The following LVRN variants were observed in gnomAD, a reference collection of about 807,000 sequenced individuals.
LVRN encodes the protein aminopeptidase Q.
LVRN carries 99 observed loss-of-function variants against 111.4 expected under a neutral mutation model. That is an observed-to-expected ratio of 0.89 (90% CI 0.76 to 1.05). LVRN has a LOEUF of 1.05. Among genes scored for constraint, LVRN ranks in the 50% least tolerant of loss-of-function variants. The probability of loss-of-function intolerance (pLI) is 0.00; values close to 1 mark genes in which losing one functional copy is unlikely to be tolerated. For synonymous variants in LVRN, 488 were observed against 449.5 expected (o/e 1.09, Z -1.08); for missense variants, 1,414 against 1,206.8 (o/e 1.17, Z -2.54).
intron 18 of LVRN, chr5:116,021,706 C>G (rs1748734228): frequency 2.2e-6 from 1 of 450,972 alleles, no homozygotes; most frequent in Non-Finnish European, 4.4e-6. Flanking sequence ...TTTAATGCAC[C>G]CAAAGTCTTT....
intron 12 of LVRN, among the ~76,000 whole-genome samples, chr5:116,005,609 C>G (rs1447728771): frequency 6.6e-6 from 1 of 152,116 alleles, no homozygotes; most frequent in African/African-American, 2.4e-5. Context: ...TTGGGGAGGC[C>G]TTTTAAATTT....
chr5:116,018,957 T>C (rs1748658436), intron 18 of LVRN, among the ~76,000 whole-genome samples: 1 of 151,994 alleles, frequency 6.6e-6, no homozygotes, highest in Non-Finnish European at 1.5e-5. Context: ...TCTATCAACA[T>C]CCTGCATCAG....
intron 6 of LVRN, among the ~76,000 whole-genome samples, 188 bp downstream of exon 6, chr5:115,994,042 G>A (rs1748053555): frequency 6.6e-6 from 1 of 151,376 alleles, no homozygotes; most frequent in Admixed American, 6.6e-5. Flanking sequence ...TATTGTAAAT[G>A]TTTTTGAAGG....
At chr5:115,986,155 G>A (rs1747860395) in intron 3 of LVRN, among the ~76,000 whole-genome samples, 1 of 152,198 alleles carries the variant, frequency 6.6e-6, no homozygotes, top group South Asian at 2.1e-4. Flanking sequence ...TATCTTCCTA[G>A]GCTGTTGGCT....
In LVRN at chr5:115,987,838, C is replaced by A. The variant is rs781501308; in HGVS notation, c.1004C>A (p.Ala335Glu). Residue 335 changes from alanine to glutamate, a missense_variant, in exon 4 of 20, where the codon GCA becomes GAA. By Grantham distance (107) the Ala-to-Glu change is moderately radical. Coordinates refer to ENST00000357872, the MANE Select transcript of LVRN (RefSeq NM_173800.5). Reference sequence around the variant, plus strand: ...ATACGCATCTGGGCCCGGAAAGATGCAATTGCAAATGGAAGTGCAGACTTT... The same window carrying A: ...ATACGCATCTGGGCCCGGAAAGATGAAATTGCAAATGGAAGTGCAGACTTT... The part of the protein sequence containing the change: ...KEIRIWARKD[A>E]IANGSADFAL... 2.5e-6 allele frequency: 4 copies of A among 1,612,752 alleles called. No individual in the cohort carries two copies. The highest frequency in any genetic ancestry group is 4.5e-5 in the East Asian group (2 of 44,746).
chr5:116,008,769 G>A (rs1312591613), intron 13 of LVRN, among the ~76,000 whole-genome samples: 1 of 152,194 alleles, frequency 6.6e-6, no homozygotes, highest in Non-Finnish European at 1.5e-5. Flanking sequence ...TGAGGAAGGT[G>A]CAGGAAAAGG....
At chr5:115,980,621 A>G (rs1215003706) in intron 1 of LVRN, among the ~76,000 whole-genome samples, 1 of 152,028 alleles carries the variant, frequency 6.6e-6, no homozygotes, top group Non-Finnish European at 1.5e-5. Context: ...TAAGGAGTAT[A>G]ATTTTCTCTC....
At position 116,003,286 on chromosome 5, in the gene LVRN, T is replaced by G; in HGVS notation, c.1943T>G (p.Val648Gly). The change falls in exon 12 of 20, where the codon GTG becomes GGG. Residue 648 changes from valine to glycine, a missense_variant. Physicochemically the swap from Val to Gly is moderately radical, Grantham distance 109 (BLOSUM62 -3). Transcript: ENST00000357872. ...MQVSDSDHDW[V>G]ILNLNMTGYY... ...GTTTCAGATTCTGACCATGACTGGGTGATTTTGAATTTGAATATGACTGGA... is the reference window on the plus strand; with the variant it reads ...GTTTCAGATTCTGACCATGACTGGGGGATTTTGAATTTGAATATGACTGGA... The G allele has an allele frequency of 6.3e-7, 1 of 1,581,270 alleles. No homozygotes were observed. The highest frequency in any genetic ancestry group is 8.6e-7 in the Non-Finnish European group (1 of 1,161,518).
At chr5:115,965,628 A>T (rs1388676781) in intron 1 of LVRN, among the ~76,000 whole-genome samples, 1 of 152,140 alleles carries the variant, frequency 6.6e-6, no homozygotes, top group Admixed American at 6.5e-5. Flanking sequence ...TGTAGTTCCC[A>T]TAACCCAGTG....
At chr5:116,009,272 AG>A (rs1748439263) in intron 13 of LVRN, among the ~76,000 whole-genome samples, 1 of 152,200 alleles carries the variant, frequency 6.6e-6, no homozygotes, top group African/African-American at 2.4e-5. Flanking sequence ...GGAAAAAAAA[AG>A]ATTCCTTCCA....
intron 13 of LVRN, among the ~76,000 whole-genome samples, chr5:116,007,638 T>C (rs12654641): frequency 0.11 from 17,374 of 152,204 alleles, 1,130 homozygotes; most frequent in East Asian, 0.31. Context: ...TCCTCAATGG[T>C]AGGCAAGTGC....
chr5:116,013,424 A>T (rs919785504), intron 15 of LVRN, among the ~76,000 whole-genome samples: 1 of 152,126 alleles, frequency 6.6e-6, no homozygotes, highest in African/African-American at 2.4e-5. Context: ...TGGCTCTCCT[A>T]AATTGGACTG....
intron 17 of LVRN, 57 bp downstream of exon 17, chr5:116,015,476 GA>G (rs543760597): frequency 1.5e-4 from 226 of 1,468,648 alleles, no homozygotes; most frequent in African/African-American, 1.1e-3. Context: ...ATTAATAAAG[GA>G]AAAAAAATAG....
At chr5:116,000,023 A>C in intron 7 of LVRN, 121 bp downstream of exon 7, 1 of 1,088,548 alleles carries the variant, frequency 9.2e-7, no homozygotes, top group Non-Finnish European at 1.3e-6. Context: ...ACCTTATTTT[A>C]ATTCAATACA....
chr5:116,001,332 C>A (rs1391238353), intron 10 of LVRN, 93 bp downstream of exon 10: 1 of 1,397,158 alleles, frequency 7.2e-7, no homozygotes, highest in African/African-American at 1.5e-5. Flanking sequence ...GCGTTACCCC[C>A]GCTGGGCATA....
At chr5:115,973,193 G>A (rs528707005) in intron 1 of LVRN, among the ~76,000 whole-genome samples, 74 of 152,286 alleles carry the variant, frequency 4.9e-4, no homozygotes, top group Admixed American at 1.3e-3. Flanking sequence ...GCCTCCCAAA[G>A]TGTTGGAATT....
At chr5:115,963,637 C>A (rs1489897274) in intron 1 of LVRN, among the ~76,000 whole-genome samples, 1 of 152,036 alleles carries the variant, frequency 6.6e-6, no homozygotes, top group Non-Finnish European at 1.5e-5. Flanking sequence ...ATGTTCTCAC[C>A]CATAGGTAGG....
intron 1 of LVRN, chr5:115,976,078 T>A (rs1375149033): frequency 6.5e-6 from 1 of 152,840 alleles, no homozygotes; most frequent in East Asian, 1.9e-4. Context: ...CGTTCTTCAA[T>A]CCGAAACAGA....
At chr5:116,013,810 T>C (rs898170053) in intron 15 of LVRN, among the ~76,000 whole-genome samples, 2 of 152,206 alleles carry the variant, frequency 1.3e-5, no homozygotes, top group Admixed American at 6.5e-5. Context: ...GTCTTCACTG[T>C]ATTCTTTTGA....
Sources: allele counts gnomAD v4.1 joint callset (sites outside exome capture counted in the v4.1 genomes callset), GRCh38; gene constraint gnomAD v4.1.1; transcripts MANE v1.5; gene names NCBI Gene and HGNC (gene_info 2026-07-23, HGNC 2026-07-21).